ENTREP2: variants seen among roughly 807,000 people sequenced by gnomAD.
ENTREP2 encodes the protein endosomal transmembrane epsin interactor 2, also known as protein ENTREP2.
At chr15:29,269,693 GT>G in the ENTREP2 span, 3 of 1,546,588 alleles carry the variant, frequency 1.9e-6, no homozygotes, top group Admixed American at 2.1e-5. Context: ...CGGTTCCTCG[GT>G]TTTTGCAACA....
chr15:29,288,737 A>G, the ENTREP2 span, among the ~76,000 whole-genome samples: 1 of 152,128 alleles, frequency 6.6e-6, no homozygotes, highest in Admixed American at 6.5e-5. Flanking sequence ...AGGCTTGAGT[A>G]AGTACTCTCT....
chr15:29,652,749 G>A, the ENTREP2 span, among the ~76,000 whole-genome samples: 1 of 152,194 alleles, frequency 6.6e-6, no homozygotes, highest in African/African-American at 2.4e-5. Context: ...GCTACTTCAG[G>A]AGCCGGCCCA....
chr15:29,459,623 C>T, the ENTREP2 span, among the ~76,000 whole-genome samples: 19 of 152,166 alleles, frequency 1.2e-4, no homozygotes, highest in East Asian at 3.9e-4. Flanking sequence ...CATTGAGAAA[C>T]GTTAGGTGAC....
the ENTREP2 span, among the ~76,000 whole-genome samples, chr15:29,479,236 C>T: frequency 2.7e-5 from 4 of 149,574 alleles, no homozygotes; most frequent in Admixed American, 2.7e-4. Flanking sequence ...AAGTGTGTGG[C>T]ACCTCTCCGA....
At chr15:29,217,774 G>C in the ENTREP2 span, among the ~76,000 whole-genome samples, 6 of 152,192 alleles carry the variant, frequency 3.9e-5, no homozygotes, top group Admixed American at 1.3e-4. Flanking sequence ...GGACTTCTTG[G>C]TTTGGATCCA....
chr15:29,386,611 A>G, the ENTREP2 span, among the ~76,000 whole-genome samples: 9 of 152,290 alleles, frequency 5.9e-5, no homozygotes, highest in African/African-American at 1.9e-4. Flanking sequence ...TGACCCCCCA[A>G]TTGGAGATGT....
chr15:29,186,074 C>T, the ENTREP2 span, among the ~76,000 whole-genome samples: 6 of 152,116 alleles, frequency 3.9e-5, no homozygotes, highest in Non-Finnish European at 5.9e-5. Context: ...GAGCTCCTCC[C>T]GTACTTTCTG....
At chr15:29,484,306 C>A in the ENTREP2 span, among the ~76,000 whole-genome samples, 1 of 152,092 alleles carries the variant, frequency 6.6e-6, no homozygotes, top group African/African-American at 2.4e-5. Flanking sequence ...GGGTCCCTTT[C>A]AAGATCTTCA....
the ENTREP2 span, among the ~76,000 whole-genome samples, chr15:29,516,761 G>A: frequency 3.9e-5 from 6 of 152,008 alleles, no homozygotes; most frequent in Middle Eastern, 3.2e-3. Flanking sequence ...TTTTCTGGGC[G>A]TATAACATTT....
At chr15:29,303,689 T>C in the ENTREP2 span, among the ~76,000 whole-genome samples, 7 of 142,154 alleles carry the variant, frequency 4.9e-5, no homozygotes, top group Admixed American at 3.5e-4. Context: ...TACTCCCTTC[T>C]TTGTGTCCAT....
At chr15:29,304,810 G>C in the ENTREP2 span, among the ~76,000 whole-genome samples, 3 of 152,068 alleles carry the variant, frequency 2.0e-5, no homozygotes, top group Non-Finnish European at 4.4e-5. Context: ...GTTGCTCTTA[G>C]AACTGTCAGT....
chr15:29,628,024 G>A, the ENTREP2 span, among the ~76,000 whole-genome samples: 1 of 152,234 alleles, frequency 6.6e-6, no homozygotes, highest in East Asian at 1.9e-4. Flanking sequence ...TGGATTGTAA[G>A]GTAATTCTAT....
the ENTREP2 span, among the ~76,000 whole-genome samples, chr15:29,608,698 C>G: frequency 6.6e-6 from 1 of 151,990 alleles, no homozygotes; most frequent in Non-Finnish European, 1.5e-5. Flanking sequence ...TCCCGAGTAG[C>G]TGGGACTACA....
At chr15:29,299,669 A>G in the ENTREP2 span, among the ~76,000 whole-genome samples, 12 of 152,112 alleles carry the variant, frequency 7.9e-5, no homozygotes, top group Non-Finnish European at 1.5e-4. Flanking sequence ...TTCTGCCTGT[A>G]ATTATCACTT....
chr15:29,139,618 G>A, the ENTREP2 span, among the ~76,000 whole-genome samples: 40,414 of 152,182 alleles, frequency 0.27, 6,919 homozygotes, highest in Non-Finnish European at 0.38. Context: ...GGGCAGAGGT[G>A]CAAGGGACCC....
the ENTREP2 span, among the ~76,000 whole-genome samples, chr15:29,514,507 T>A: frequency 6.6e-6 from 1 of 152,184 alleles, no homozygotes; most frequent in Non-Finnish European, 1.5e-5. Flanking sequence ...TAAACAAGGC[T>A]TCCATGAACA....
the ENTREP2 span, among the ~76,000 whole-genome samples, chr15:29,509,569 G>C: frequency 6.6e-6 from 1 of 152,044 alleles, no homozygotes; most frequent in African/African-American, 2.4e-5. Context: ...CAGGCCAATG[G>C]AACAGAACAG....
At chr15:29,231,546 T>C in the ENTREP2 span, among the ~76,000 whole-genome samples, 3 of 152,328 alleles carry the variant, frequency 2.0e-5, no homozygotes, top group South Asian at 6.2e-4. Flanking sequence ...AATGAGAATA[T>C]AAATCTGGCT....
At chr15:29,273,108 A>AG in the ENTREP2 span, among the ~76,000 whole-genome samples, 4 of 151,148 alleles carry the variant, frequency 2.6e-5, no homozygotes, top group African/African-American at 9.8e-5. Context: ...CTTGGCCAAG[A>AG]GGGGGTCTGT....
Sources: allele counts gnomAD v4.1 joint callset (sites outside exome capture counted in the v4.1 genomes callset), GRCh38; gene constraint gnomAD v4.1.1; transcripts MANE v1.5; gene names NCBI Gene and HGNC (gene_info 2026-07-23, HGNC 2026-07-21).